Variants in ERBB4 observed in about 807,000 individuals in gnomAD.
ERBB4 encodes receptor tyrosine-protein kinase erbB-4.
ERBB4 carries 42 observed loss-of-function variants against 158.0 expected under a neutral mutation model. That is an observed-to-expected ratio of 0.27 (90% CI 0.21 to 0.34). The LOEUF (loss-of-function observed/expected upper bound fraction) is 0.34, where lower values mean the gene tolerates loss of function less well. ERBB4 is among the 10% of genes least tolerant of loss of function. The pLI, the probability that ERBB4 is intolerant of heterozygous loss-of-function variation, is 1.00. For missense variants in ERBB4, 1,333 were observed against 1,624.1 expected (o/e 0.82, Z 3.08); for synonymous variants, 583 against 558.7 (o/e 1.04, Z -0.61).
chr2:212,113,948 T>C (rs1471171538), intron 2 of ERBB4, among the ~76,000 whole-genome samples: 1 of 152,220 alleles, frequency 6.6e-6, no homozygotes, highest in Non-Finnish European at 1.5e-5. Context: ...ATTTTTTTCC[T>C]GATTATGACT....
chr2:211,691,600 G>A (rs534625300), intron 12 of ERBB4, among the ~76,000 whole-genome samples: 48 of 143,786 alleles, frequency 3.3e-4, no homozygotes, highest in African/African-American at 1.1e-3. Flanking sequence ...GTGTGTGTGT[G>A]TGTATATATA....
intron 1 of ERBB4, among the ~76,000 whole-genome samples, chr2:212,527,486 C>A: frequency 6.6e-6 from 1 of 151,978 alleles, no homozygotes; most frequent in East Asian, 1.9e-4. Flanking sequence ...ACCCAAAATT[C>A]ACAGTTAATG....
intron 3 of ERBB4, among the ~76,000 whole-genome samples, chr2:211,917,313 T>C (rs993000387): frequency 7.8e-6 from 1 of 128,986 alleles, no homozygotes; most frequent in Non-Finnish European, 1.7e-5. Context: ...GCTACAGAGA[T>C]ATGGAAAAAA....
chr2:211,818,503 G>C (rs997602718), intron 3 of ERBB4, among the ~76,000 whole-genome samples: 7 of 151,870 alleles, frequency 4.6e-5, no homozygotes, highest in Non-Finnish European at 8.8e-5. Context: ...GGGGCAGAAG[G>C]GTATTCCAAT....
rs183876346 is a variant in ERBB4 at position 211,488,966 on chromosome 2, C to T, written c.2488-57866G>A. Among the ~76,000 whole-genome samples, 773 of 152,164 alleles carry T rather than the reference C, an allele frequency of 5.1e-3. 12 individuals carry two copies. The highest frequency in any genetic ancestry group is 0.028 in the Admixed American group (431 of 15,262). ...TAGCTTTGATTCTCCAATGTGCTCT[C>T]TAATCAGATTGCATTAGAGGTAAAT... On this transcript the variant is annotated intron_variant, in intron 20 of 27. Transcript: ENST00000342788.
At chr2:212,407,123 A>G (rs1325965214) in intron 1 of ERBB4, among the ~76,000 whole-genome samples, 1 of 151,368 alleles carries the variant, frequency 6.6e-6, no homozygotes, top group Non-Finnish European at 1.5e-5. Context: ...CACAATATTA[A>G]AAGATTATAT....
chr2:211,682,777 T>A lies in ERBB4; in HGVS notation c.1490-3593A>T, dbSNP rs140729527. Among the ~76,000 whole-genome samples, 27 of 152,294 alleles carry A rather than the reference T, an allele frequency of 1.8e-4. No individual in the cohort carries two copies. The East Asian group carries it at 5.2e-3, about 29-fold the overall frequency. ...CTTGTGCTTTTATATTTGAAGTCCA[T>A]GTCTTGTAAGCAGCAATCATTGAGG... On this transcript the variant is annotated intron_variant, in intron 12 of 27. Transcript: ENST00000342788.
In ERBB4 at chr2:212,027,836, A is replaced by G. The variant is rs1009480431; in HGVS notation, c.235-80220T>C. The stretch of plus-strand genomic sequence containing the variant: ...CAGCTTAGTCTTTATTTTTTTTTCA[A>G]TATTTTAACAATATATCTTGCATCT... On this transcript the variant is annotated intron_variant, in intron 2 of 27. Transcript: ENST00000342788. 1.4e-4 allele frequency among the ~76,000 whole-genome samples: 22 copies of G among 151,980 alleles called. 1 individual carries two copies. The highest frequency in any genetic ancestry group is 1.3e-4 in the Admixed American group (2 of 15,230).
intron 2 of ERBB4, among the ~76,000 whole-genome samples, chr2:212,068,690 C>A (rs1344033496): frequency 6.6e-6 from 1 of 152,034 alleles, no homozygotes; most frequent in African/African-American, 2.4e-5. Context: ...TGTTCTTTGT[C>A]TCTGCTTTCT....
At position 211,579,829 on chromosome 2, in the gene ERBB4, G is replaced by A. The variant is rs55790405; in HGVS notation, c.2302-17741C>T. ...GGGGTTGGGGGAGGGAGAACATTAG[G>A]AAAAATAGCTAATGCATGCTGGGCT... On this transcript the variant is annotated intron_variant, in intron 19 of 27. Transcript: ENST00000342788. 2.2e-3 allele frequency among the ~76,000 whole-genome samples: 332 copies of A among 152,130 alleles called. 1 individual carries two copies. Among genetic ancestry groups the A allele is most frequent in the Non-Finnish European group, 3.6e-3 (248 of 67,998 alleles).
chr2:212,348,814 C>T (rs1164378786), intron 1 of ERBB4, among the ~76,000 whole-genome samples: 1 of 152,072 alleles, frequency 6.6e-6, no homozygotes, highest in Non-Finnish European at 1.5e-5. Flanking sequence ...CGATTCAAAA[C>T]CTGCTCATAA....
intron 1 of ERBB4, among the ~76,000 whole-genome samples, chr2:212,349,430 T>A (rs892855137): frequency 6.6e-6 from 1 of 152,074 alleles, no homozygotes; most frequent in Non-Finnish European, 1.5e-5. Flanking sequence ...ACAGTTGTTC[T>A]AAAATGTATA....
intron 1 of ERBB4, among the ~76,000 whole-genome samples, chr2:212,340,326 C>G (rs1008212273): frequency 1.3e-5 from 2 of 152,100 alleles, no homozygotes; most frequent in African/African-American, 2.4e-5. Flanking sequence ...TTTCCACAGA[C>G]AGAATAGGGA....
chr2:211,437,038 T>C (rs1320743204), intron 20 of ERBB4, among the ~76,000 whole-genome samples: 3 of 152,204 alleles, frequency 2.0e-5, no homozygotes, highest in African/African-American at 4.8e-5. Context: ...CTGCCACTTA[T>C]TACACACCAT....
At chr2:211,423,879 A>C (rs2125410963) in intron 23 of ERBB4, among the ~76,000 whole-genome samples, 1 of 152,112 alleles carries the variant, frequency 6.6e-6, no homozygotes, top group South Asian at 2.1e-4. Flanking sequence ...TGTTAGTAAT[A>C]ACATTATTGT....
chr2:212,063,168 C>T (rs540222775), intron 2 of ERBB4, among the ~76,000 whole-genome samples: 1 of 151,984 alleles, frequency 6.6e-6, no homozygotes, highest in Non-Finnish European at 1.5e-5. Flanking sequence ...GGTATCAAAT[C>T]TAATAATTTT....
intron 3 of ERBB4, among the ~76,000 whole-genome samples, chr2:211,946,738 C>A (rs141183754): frequency 6.6e-6 from 1 of 151,840 alleles, no homozygotes; most frequent in East Asian, 1.9e-4. Flanking sequence ...AAGCCTCCCA[C>A]AGAACTTTCA....
intron 1 of ERBB4, among the ~76,000 whole-genome samples, chr2:212,300,687 TCTC>T (rs1412199630): frequency 8.6e-5 from 13 of 151,482 alleles, no homozygotes; most frequent in African/African-American, 3.1e-4. Flanking sequence ...TACTATATTA[TCTC>T]ATGAGATGCT....
intron 1 of ERBB4, among the ~76,000 whole-genome samples, chr2:212,401,431 G>C (rs527817379): frequency 2.8e-4 from 42 of 152,162 alleles, no homozygotes; most frequent in African/African-American, 9.6e-4. Flanking sequence ...ACAAAAGCTG[G>C]TTTGAAAGCT....
Sources: allele counts gnomAD v4.1 joint callset (sites outside exome capture counted in the v4.1 genomes callset), GRCh38; gene constraint gnomAD v4.1.1; transcripts MANE v1.5; gene names NCBI Gene and HGNC (gene_info 2026-07-23, HGNC 2026-07-21).